GSE1: variants seen among roughly 807,000 people sequenced by gnomAD.
GSE1 encodes the protein Gse1 coiled-coil protein, also known as genetic suppressor element 1.
A neutral mutation model predicts 112.6 loss-of-function variants in GSE1; 32 were observed. The observed-to-expected ratio is 0.28, with a 90% CI of 0.21 to 0.38. The LOEUF (loss-of-function observed/expected upper bound fraction) is 0.38, where lower values mean the gene tolerates loss of function less well. GSE1 is among the 10% of genes least tolerant of loss of function. GSE1 has a pLI of 1.00. For missense variants in GSE1, 2,348 were observed against 1,699.2 expected, an observed-to-expected ratio of 1.38 and a Z score of -6.71; for synonymous variants, 1,115 against 735.6, an observed-to-expected ratio of 1.52 and a Z score of -8.35.
intron 1 of GSE1, among the ~76,000 whole-genome samples, chr16:85,626,609 C>CG (rs2075903053): frequency 2.0e-5 from 3 of 152,148 alleles, no homozygotes; most frequent in Admixed American, 1.3e-4. Flanking sequence ...AATTACCCCA[C>CG]GGGGGGCTGT....
Position 85,387,336 on chromosome 16 carries a change from A to G in GSE1, c.2464+29693A>G, listed in dbSNP as rs367830632. ...GCTGTGGAACGCTGGGAGTGCTGCGAGGTCTGGCCTCAGCCTCCCTCCTAG... is the reference window on the plus strand; with the variant it reads ...GCTGTGGAACGCTGGGAGTGCTGCGGGGTCTGGCCTCAGCCTCCCTCCTAG... On this transcript the variant is annotated intron_variant, in intron 2 of 2. Transcript: ENST00000637419. Among the ~76,000 whole-genome samples the G allele has an allele frequency of 7.4e-4, 113 of 152,130 alleles. 1 individual carries two copies. The highest frequency in any genetic ancestry group is 2.7e-3 in the African/African-American group (111 of 41,484).
chr16:85,496,654 G>A (rs757184740), intron 2 of GSE1, among the ~76,000 whole-genome samples: 9 of 152,222 alleles, frequency 5.9e-5, no homozygotes, highest in Non-Finnish European at 1.2e-4. Flanking sequence ...ATGCTGTCAC[G>A]ACATATAGAG....
chr16:85,309,944 A>C (rs2045790042), intron 1 of GSE1, among the ~76,000 whole-genome samples: 1 of 152,228 alleles, frequency 6.6e-6, no homozygotes, highest in African/African-American at 2.4e-5. Context: ...TCTTACAAAA[A>C]AATAAAAAAG....
rs1258929158 is a variant in GSE1, at chr16:85,478,899, C to T, written c.2464+121256C>T. 1.0e-4 allele frequency among the ~76,000 whole-genome samples: 8 copies of T among 76,654 alleles called. 1 individual carries two copies. In the East Asian group the frequency reaches 1.4e-3, roughly 13 times the overall value. The allele number at this position is 76,654 out of a possible 152,430, so 50.3% of individuals were successfully genotyped here. A position where few individuals can be genotyped will look rare whatever the true frequency, so the allele number is the denominator to read the frequency against. ...TCTTTCTTTCTTTCTTTCTTTCTTT[C>T]TTTCTTTCTTTCTTTCTTTCTTTCT... is the stretch of plus-strand genomic sequence containing the variant. On this transcript the variant is annotated intron_variant, in intron 2 of 2. Coordinates refer to the GSE1 transcript ENST00000637419.
intron 1 of GSE1, among the ~76,000 whole-genome samples, chr16:85,624,169 T>G (rs1293426064): frequency 6.6e-6 from 1 of 152,172 alleles, no homozygotes; most frequent in African/African-American, 2.4e-5. Flanking sequence ...CTTGGAGACC[T>G]CAGTGCCCGC....
At chr16:85,262,078 C>A (rs1283391591) in intron 1 of GSE1, among the ~76,000 whole-genome samples, 1 of 152,154 alleles carries the variant, frequency 6.6e-6, no homozygotes, top group Non-Finnish European at 1.5e-5. Flanking sequence ...AATCCAGAGC[C>A]CAGACTCTTA....
chr16:85,656,918 T>C (rs1469494012), intron 7 of GSE1, among the ~76,000 whole-genome samples: 2 of 152,220 alleles, frequency 1.3e-5, no homozygotes, highest in African/African-American at 4.8e-5. Flanking sequence ...ATGTTTTGAG[T>C]GCTTCGTTGA....
At chr16:85,420,105 C>T (rs1030596440) in intron 2 of GSE1, among the ~76,000 whole-genome samples, 5 of 99,168 alleles carry the variant, frequency 5.0e-5, no homozygotes, top group African/African-American at 3.4e-5. Flanking sequence ...TGTGCTCAGG[C>T]CAGACGGGTG....
At chr16:85,655,074 A>C in intron 5 of GSE1, 83 bp downstream of exon 5, 1 of 898,980 alleles carries the variant, frequency 1.1e-6, no homozygotes, top group Non-Finnish European at 1.8e-6. Flanking sequence ...GGTGTTTCTT[A>C]TGACCTGAGA....
intron 2 of GSE1, among the ~76,000 whole-genome samples, chr16:85,639,196 CG>C (rs1567697655): frequency 6.6e-6 from 1 of 152,166 alleles, no homozygotes; most frequent in African/African-American, 2.4e-5. Context: ...GGGACGTCCC[CG>C]GGGCCGCCCA....
intron 2 of GSE1, among the ~76,000 whole-genome samples, chr16:85,545,318 T>C (rs1598127572): frequency 6.6e-6 from 1 of 152,250 alleles, no homozygotes; most frequent in Non-Finnish European, 1.5e-5. Flanking sequence ...TCCCAAATAC[T>C]GAGCTTGCTG....
intron 2 of GSE1, among the ~76,000 whole-genome samples, chr16:85,544,428 A>C (rs1386900219): frequency 2.6e-5 from 4 of 152,198 alleles, no homozygotes; most frequent in Non-Finnish European, 5.9e-5. Context: ...AGCTCAGGCC[A>C]CGGGGACAGT....
intron 2 of GSE1, among the ~76,000 whole-genome samples, chr16:85,436,459 G>C (rs1231614136): frequency 2.6e-5 from 4 of 152,198 alleles, no homozygotes; most frequent in African/African-American, 9.6e-5. Context: ...CCCTCTCCCT[G>C]GTTGATCTTT....
At chr16:85,280,797 A>G (rs1253124921) in intron 1 of GSE1, among the ~76,000 whole-genome samples, 5 of 151,998 alleles carry the variant, frequency 3.3e-5, no homozygotes, top group Admixed American at 3.3e-4. Context: ...GTGTCTCTCC[A>G]TTTTTCAAAC....
intron 1 of GSE1, among the ~76,000 whole-genome samples, chr16:85,630,655 G>A (rs993352303): frequency 1.3e-5 from 2 of 152,214 alleles, no homozygotes; most frequent in African/African-American, 2.4e-5. Flanking sequence ...TATCTTAGCT[G>A]TGTGTGGTGC....
intron 1 of GSE1, among the ~76,000 whole-genome samples, chr16:85,308,551 C>A (rs2045743032): frequency 6.6e-6 from 1 of 152,158 alleles, no homozygotes; most frequent in South Asian, 2.1e-4. Context: ...CTCACCATAG[C>A]TCCTGCAATC....
chr16:85,326,894 T>A (rs962128950), intron 1 of GSE1, among the ~76,000 whole-genome samples: 2 of 152,244 alleles, frequency 1.3e-5, no homozygotes, highest in Non-Finnish European at 2.9e-5. Context: ...TATTACCCGG[T>A]GACAAATCAC....
intron 1 of GSE1, among the ~76,000 whole-genome samples, chr16:85,564,409 G>C (rs2045652011): frequency 6.6e-6 from 1 of 152,220 alleles, no homozygotes; most frequent in South Asian, 2.1e-4. Flanking sequence ...TGGGGGGCAT[G>C]GATTGAGTAA....
chr16:85,641,391 A>G (rs2050434748), intron 2 of GSE1, among the ~76,000 whole-genome samples: 1 of 151,774 alleles, frequency 6.6e-6, no homozygotes, highest in African/African-American at 2.4e-5. Flanking sequence ...ACGTGATGGC[A>G]GGGTGGGCAT....
Sources: gnomAD v4.1 joint callset for allele counts (sites outside exome capture counted in the v4.1 genomes callset) on GRCh38, gnomAD v4.1.1 for gene constraint, MANE v1.5 for transcripts, NCBI Gene and HGNC (gene_info 2026-07-23, HGNC 2026-07-21) for gene names.